The following POLA2 variants were observed in gnomAD, a reference collection of about 807,000 sequenced individuals.
The protein encoded by POLA2 is DNA polymerase alpha 2, accessory subunit, also known as DNA polymerase alpha subunit B.
POLA2 carries 47 observed loss-of-function variants against 82.8 expected under a neutral mutation model. The ratio of observed to expected loss-of-function variants is 0.57; its 90% CI spans 0.45 to 0.72. POLA2 has a LOEUF of 0.72. POLA2 is among the 30% of genes least tolerant of loss of function. POLA2 has a pLI of 0.00. For synonymous variants in POLA2, 287 were observed against 286.8 expected (o/e 1.00, Z -0.01); for missense variants, 634 against 728.1 (o/e 0.87, Z 1.49).
intron 13 of POLA2, 150 bp from the exon 14 acceptor site, chr11:65,294,003 C>T (rs1480170864): frequency 4.1e-6 from 3 of 728,194 alleles, no homozygotes; most frequent in Non-Finnish European, 7.5e-6. Context: ...TGGGAAACAG[C>T]GTCTCTGTTC....
downstream of POLA2, among the ~76,000 whole-genome samples, chr11:65,301,096 T>C (rs1028970338): frequency 1.3e-5 from 2 of 152,128 alleles, no homozygotes; most frequent in Non-Finnish European, 2.9e-5. Flanking sequence ...TCAGTTCTCT[T>C]GGGTATGTTC....
chr11:65,273,365 G>A (rs1451611131), intron 4 of POLA2, among the ~76,000 whole-genome samples: 3 of 152,146 alleles, frequency 2.0e-5, no homozygotes, highest in African/African-American at 7.2e-5. Flanking sequence ...GGCATTAAGT[G>A]TTAATAATGA....
rs1273662154 is a variant in POLA2 at position 65,279,533 on chromosome 11, T to C, written c.656-5T>C. The C allele has an allele frequency of 3.8e-6, 6 of 1,595,170 alleles. No individual in the cohort carries two copies. The Admixed American group carries it at 5.2e-5, about 14-fold the overall frequency. ...TAATACTTTTTTCCACTTCTGGGATTGTAGTTCTGACCTGTAAGATAGAAG... is the reference window on the plus strand; with the variant it reads ...TAATACTTTTTTCCACTTCTGGGATCGTAGTTCTGACCTGTAAGATAGAAG... On this transcript the variant is annotated splice_region_variant and splice_polypyrimidine_tract_variant and intron_variant, in intron 6 of 17. Transcript: ENST00000265465.
rs1018736603 is a variant in POLA2, at chr11:65,294,277, C to T, written c.1353+16C>T. The T allele has an allele frequency of 1.9e-6, 3 of 1,594,950 alleles. No homozygotes were observed. The highest frequency in any genetic ancestry group is 2.2e-5 in the East Asian group (1 of 44,778). ...GGACAAAAAGGTAGCAGCACCCACT[C>T]CTTGACCAGCAGGCAGCCAGAATCC... On this transcript the variant is annotated intron_variant, in intron 14 of 17. Transcript: ENST00000265465.
At chr11:65,282,691 T>C (rs1949654081) in intron 10 of POLA2, among the ~76,000 whole-genome samples, 170 bp downstream of exon 10, 1 of 152,230 alleles carries the variant, frequency 6.6e-6, no homozygotes, top group Non-Finnish European at 1.5e-5. Flanking sequence ...ACAAGACCCC[T>C]GGTCTGAGCC....
chr11:65,298,047 A>G lies in POLA2; in HGVS notation c.*778A>G, dbSNP rs11826954. The G allele has an allele frequency of 0.032, 4,834 of 152,450 alleles. 240 individuals are homozygous for G. The highest frequency in any genetic ancestry group is 0.11 in the African/African-American group (4,596 of 41,544). The allele number at this position is 152,450 out of a possible 1,614,324, so 9.4% of individuals were successfully genotyped here. ...AGAGTGTCAGTCACACTGGGTTTCT[A>G]TCCAGCCCCAGTCCTGTCCAGTGGG... On this transcript the variant is annotated 3_prime_UTR_variant, in exon 18 of 18. Transcript: ENST00000265465.
At chr11:65,269,788 A>G (rs980506744) in intron 4 of POLA2, among the ~76,000 whole-genome samples, 1 of 152,206 alleles carries the variant, frequency 6.6e-6, no homozygotes, top group African/African-American at 2.4e-5. Context: ...GGTAATTTAC[A>G]TTGCCCTATG....
rs2137495714 is a variant in POLA2 at position 65,267,461 on chromosome 11, A to G, written c.205-16A>G. On this transcript the variant is annotated splice_polypyrimidine_tract_variant and intron_variant, in intron 2 of 17. Coordinates refer to ENST00000265465, the MANE Select transcript of POLA2 (RefSeq NM_002689.4). ...TTGACTATGAAGTACTGTATTCACT[A>G]TCTTTTCTTTTTCAGTTTCTGAGCA... 1.3e-6 allele frequency: 2 copies of G among 1,559,076 alleles called. No homozygotes were observed. The highest frequency in any genetic ancestry group is 1.8e-6 in the Non-Finnish European group (2 of 1,134,488).
intron 13 of POLA2, among the ~76,000 whole-genome samples, chr11:65,293,797 G>A (rs1949780335): frequency 6.6e-6 from 1 of 152,104 alleles, no homozygotes; most frequent in Non-Finnish European, 1.5e-5. Context: ...CTGAGGCTGT[G>A]ATTCTTTATT....
Position 65,268,719 on chromosome 11 carries a change from C to T in POLA2, c.344C>T (p.Thr115Ile), listed in dbSNP as rs1949490246. 1 of 1,584,602 alleles carries T rather than the reference C, an allele frequency of 6.3e-7. No individual in the cohort carries two copies. The highest frequency in any genetic ancestry group is 8.6e-7 in the Non-Finnish European group (1 of 1,164,894). Residue 115 changes from threonine (T) to isoleucine (I), a missense_variant, in exon 4 of 18, where the codon ACA becomes ATA. Coordinates refer to ENST00000265465, the MANE Select transcript of POLA2 (RefSeq NM_002689.4). ...GAAATCCTCTTGAACTCTTACACCACACCTTCAAAGGTAAGTAAACAGTGT... is the reference window on the plus strand; with the variant it reads ...GAAATCCTCTTGAACTCTTACACCATACCTTCAAAGGTAAGTAAACAGTGT... ...EEEILLNSYT[T>I]PSKGSQKRAI... is the part of the protein sequence containing the mutation.
At chr11:65,305,301 A>G (rs1233814788) in intron 8 of POLA2, 2 of 447,100 alleles carry the variant, frequency 4.5e-6, no homozygotes, top group Non-Finnish European at 8.9e-6. Flanking sequence ...GCAAATGAAA[A>G]GGTGACCAGC....
At chr11:65,283,934 C>T (rs1373343380) in intron 10 of POLA2, among the ~76,000 whole-genome samples, 2 of 150,968 alleles carry the variant, frequency 1.3e-5, no homozygotes, top group Non-Finnish European at 2.9e-5. Flanking sequence ...GAGTTTGAGA[C>T]CAGCCTGGGC....
intron 13 of POLA2, among the ~76,000 whole-genome samples, chr11:65,293,928 A>G (rs1277345894): frequency 1.3e-5 from 2 of 152,186 alleles, no homozygotes; most frequent in East Asian, 1.9e-4. Flanking sequence ...GTCCCAGGCA[A>G]TCGGAGCCTG....
chr11:65,294,974 AC>A (rs1293937888), intron 15 of POLA2, among the ~76,000 whole-genome samples: 1 of 151,978 alleles, frequency 6.6e-6, no homozygotes, highest in Non-Finnish European at 1.5e-5. Flanking sequence ...CAAATTTGTG[AC>A]CTGAAAACAA....
chr11:65,289,508 G>A (rs1949731944), intron 12 of POLA2, among the ~76,000 whole-genome samples: 1 of 152,128 alleles, frequency 6.6e-6, no homozygotes, highest in South Asian at 2.1e-4. Flanking sequence ...CTGAGGTCTG[G>A]GACCTCCAAT....
At chr11:65,286,842 T>C (rs1949702554) in intron 10 of POLA2, among the ~76,000 whole-genome samples, 1 of 152,106 alleles carries the variant, frequency 6.6e-6, no homozygotes, top group Non-Finnish European at 1.5e-5. Context: ...AAAGCAGGAA[T>C]TTATTAGGGG....
chr11:65,267,191 G>A (rs1005352013), intron 2 of POLA2, among the ~76,000 whole-genome samples: 4 of 151,890 alleles, frequency 2.6e-5, no homozygotes, highest in African/African-American at 7.3e-5. Flanking sequence ...GGGACAGAGC[G>A]AGACTCCATC....
rs577706693 is a variant in POLA2, at chr11:65,269,960, T to C, written c.354+1231T>C. 5.5e-4 allele frequency among the ~76,000 whole-genome samples: 83 copies of C among 152,284 alleles called. 1 individual carries two copies. The South Asian group carries it at 0.016, about 28-fold the overall frequency. On this transcript the variant is annotated intron_variant, in intron 4 of 17. Coordinates refer to ENST00000265465, the MANE Select transcript of POLA2 (RefSeq NM_002689.4). ...AGCAATTCTGCCTCAGCCTCCTGAG[T>C]AGCTGGGATTACAGGCATGCGCCAC...
rs1949727871 is a variant in POLA2 at position 65,289,066 on chromosome 11, A to G, written c.1148A>G (p.Asp383Gly). The G allele has an allele frequency of 1.2e-6, 2 of 1,610,352 alleles. No individual in the cohort carries two copies. The highest frequency in any genetic ancestry group is 1.7e-6 in the Non-Finnish European group (2 of 1,177,582). ...DVCILFGPFL[D>G]AKHEQVENCL... ...CCCTTGCAGTTTGGCCCTTTCCTGG[A>G]TGCTAAGCATGAACAGGTGGAGGTG... Residue 383 changes from aspartate (D) to glycine (G), a missense_variant, in exon 12 of 18, where the codon GAT becomes GGT. By Grantham distance (94) the Asp-to-Gly change is moderately conservative. Transcript: ENST00000265465.
Sources: gnomAD v4.1 joint callset for allele counts (sites outside exome capture counted in the v4.1 genomes callset) on GRCh38, gnomAD v4.1.1 for gene constraint, MANE v1.5 for transcripts, NCBI Gene and HGNC (gene_info 2026-07-23, HGNC 2026-07-21) for gene names.